Variants in CSMD1 observed in about 807,000 individuals in gnomAD.
The protein encoded by CSMD1 is CUB and Sushi multiple domains 1.
In CSMD1, 213 loss-of-function variants were observed where a neutral mutation model predicts 417.5. That is an observed-to-expected ratio of 0.51 (90% CI 0.46 to 0.57). CSMD1 has a LOEUF of 0.57. CSMD1 is among the 20% of genes least tolerant of loss of function. The probability of loss-of-function intolerance (pLI) is 0.00; values close to 1 mark genes in which losing one functional copy is unlikely to be tolerated. For synonymous variants in CSMD1, 2,862 were observed against 1,736.8 expected (o/e 1.65, Z -16.11); for missense variants, 6,923 against 4,529.7 (o/e 1.53, Z -15.17).
intron 1 of CSMD1, among the ~76,000 whole-genome samples, chr8:4,901,585 G>A (rs1191031153): frequency 1.3e-5 from 2 of 152,078 alleles, no homozygotes; most frequent in Non-Finnish European, 2.9e-5. Context: ...GTTTCTTTAC[G>A]TTTCCGGACA....
chr8:3,564,647 TCTGA>T (rs1799621349), intron 10 of CSMD1, among the ~76,000 whole-genome samples: 1 of 64,964 alleles, frequency 1.5e-5, no homozygotes, highest in Admixed American at 1.3e-4. Context: ...TCTATTTAGT[TCTGA>T]AAGTTAAGAA....
intron 2 of CSMD1, among the ~76,000 whole-genome samples, chr8:4,570,025 A>G (rs1482345541): frequency 6.6e-6 from 1 of 152,146 alleles, no homozygotes; most frequent in African/African-American, 2.4e-5. Context: ...TTATCAGCTT[A>G]AGGACTTTTT....
intron 3 of CSMD1, among the ~76,000 whole-genome samples, chr8:4,192,787 A>T (rs6981884): frequency 0.028 from 4,290 of 152,288 alleles, 220 homozygotes; most frequent in African/African-American, 0.097. Flanking sequence ...CATTTGTTTC[A>T]GGCTCAAACA....
At chr8:4,461,012 A>G (rs1269111952) in intron 2 of CSMD1, among the ~76,000 whole-genome samples, 1 of 152,192 alleles carries the variant, frequency 6.6e-6, no homozygotes, top group Non-Finnish European at 1.5e-5. Context: ...AAAAATGCTC[A>G]AAACAAATCA....
At chr8:4,471,746 T>C (rs1043890002) in intron 2 of CSMD1, among the ~76,000 whole-genome samples, 4 of 150,692 alleles carry the variant, frequency 2.7e-5, no homozygotes, top group African/African-American at 4.9e-5. Context: ...GAAAAGAAGT[T>C]AGACCCATTT....
intron 3 of CSMD1, among the ~76,000 whole-genome samples, chr8:4,078,004 G>A (rs749342705): frequency 6.6e-6 from 1 of 151,844 alleles, no homozygotes; most frequent in Non-Finnish European, 1.5e-5. Context: ...CTCTCAGTTG[G>A]AAAAAAATAG....
At chr8:3,469,790 C>A (rs111344971) in intron 11 of CSMD1, among the ~76,000 whole-genome samples, 1 of 152,092 alleles carries the variant, frequency 6.6e-6, no homozygotes, top group South Asian at 2.1e-4. Context: ...GAACAACTGT[C>A]ATTATATGTG....
intron 2 of CSMD1, among the ~76,000 whole-genome samples, chr8:4,439,827 G>C (rs984171266): frequency 4.6e-5 from 7 of 152,114 alleles, no homozygotes; most frequent in African/African-American, 9.7e-5. Context: ...GAAAATTAAA[G>C]GCACTAATAC....
At chr8:4,694,498 T>C (rs529499188) in intron 1 of CSMD1, among the ~76,000 whole-genome samples, 1 of 152,034 alleles carries the variant, frequency 6.6e-6, no homozygotes, top group Non-Finnish European at 1.5e-5. Context: ...GCTATCTATA[T>C]GCATGTGTCA....
At chr8:3,829,801 C>T (rs751967128) in intron 5 of CSMD1, among the ~76,000 whole-genome samples, 1 of 152,108 alleles carries the variant, frequency 6.6e-6, no homozygotes, top group Non-Finnish European at 1.5e-5. Context: ...GGTTTTCCAA[C>T]ACTTCTTTGG....
At chr8:4,027,837 C>A (rs1797142652) in intron 4 of CSMD1, among the ~76,000 whole-genome samples, 2 of 152,006 alleles carry the variant, frequency 1.3e-5, no homozygotes, top group East Asian at 1.9e-4. Flanking sequence ...GACTTGAGAT[C>A]TACATGATCT....
rs749683089 is a variant in CSMD1, at chr8:4,032,072, G to C, written c.443C>G (p.Pro148Arg). 9.3e-6 allele frequency: 15 copies of C among 1,612,992 alleles called. No individual in the cohort carries two copies. The East Asian group carries it at 1.8e-4, about 19-fold the overall frequency. ...EVLPSHTCGN[P>R]GEILKGVLHG... ...CAGAACTCCTTTCAGGATTTCTCCA[G>C]GATTTCCACAAGTGTGGCTAGGTAA... The change falls in exon 4 of 70, where the codon CCT (proline) becomes CGT (arginine). Residue 148 changes from proline to arginine, a missense_variant. Physicochemically the swap from Pro to Arg is moderately radical, Grantham distance 103 (BLOSUM62 -2). Transcript: ENST00000635120.
At chr8:3,781,707 G>C (rs1053188096) in intron 5 of CSMD1, among the ~76,000 whole-genome samples, 4 of 152,172 alleles carry the variant, frequency 2.6e-5, no homozygotes, top group South Asian at 2.1e-4. Context: ...GGAGGTTCTA[G>C]GGTGTCCCCA....
chr8:4,617,981 G>C (rs529230214), intron 2 of CSMD1, among the ~76,000 whole-genome samples: 138 of 152,114 alleles, frequency 9.1e-4, no homozygotes, highest in African/African-American at 3.1e-3. Flanking sequence ...TTATGATTTG[G>C]AGCTGCCTAT....
At chr8:3,821,777 G>C (rs1475102396) in intron 5 of CSMD1, among the ~76,000 whole-genome samples, 5 of 152,034 alleles carry the variant, frequency 3.3e-5, no homozygotes, top group Admixed American at 3.3e-4. Flanking sequence ...GTGAGACTCT[G>C]TCTCAAAAAA....
At chr8:4,292,640 C>T (rs567866054) in intron 3 of CSMD1, among the ~76,000 whole-genome samples, 2 of 152,224 alleles carry the variant, frequency 1.3e-5, no homozygotes, top group East Asian at 3.9e-4. Flanking sequence ...GTGCCTCAGT[C>T]TTGCATCATC....
chr8:4,320,667 G>A (rs1386382507), intron 3 of CSMD1, among the ~76,000 whole-genome samples: 1 of 152,134 alleles, frequency 6.6e-6, no homozygotes, highest in East Asian at 1.9e-4. Flanking sequence ...CTTCATCGAT[G>A]TCCTGCAAAG....
intron 3 of CSMD1, among the ~76,000 whole-genome samples, chr8:4,223,454 C>G (rs1801164342): frequency 6.6e-6 from 1 of 152,194 alleles, no homozygotes; most frequent in Admixed American, 6.5e-5. Flanking sequence ...GACTGCTGGC[C>G]CAGACCATGC....
At chr8:3,262,830 T>C (rs146347488) in intron 26 of CSMD1, among the ~76,000 whole-genome samples, 17 of 152,352 alleles carry the variant, frequency 1.1e-4, no homozygotes, top group African/African-American at 3.8e-4. Context: ...AAATGAATTC[T>C]ACAATCTACA....
Sources: gnomAD v4.1 joint callset for allele counts (sites outside exome capture counted in the v4.1 genomes callset) on GRCh38, gnomAD v4.1.1 for gene constraint, MANE v1.5 for transcripts, NCBI Gene and HGNC (gene_info 2026-07-23, HGNC 2026-07-21) for gene names.